The following DISP1 variants were observed in gnomAD, a reference collection of about 807,000 sequenced individuals.
The protein encoded by DISP1 is dispatched RND transporter family member 1.
A neutral mutation model predicts 37.3 loss-of-function variants in DISP1; 30 were observed. That is an observed-to-expected ratio of 0.80 (90% CI 0.60 to 1.09). The LOEUF (loss-of-function observed/expected upper bound fraction) is 1.09. DISP1 is among the 50% of genes least tolerant of loss of function. The pLI is 0.00. For missense variants in DISP1, 1,598 were observed against 1,879.5 expected (o/e 0.85, Z 2.77); for synonymous variants, 634 against 690.2 (o/e 0.92, Z 1.28).
Position 222,991,517 on chromosome 1 carries a change from T to C in DISP1, c.664-3T>C. ...CTAATGAGCACCTGTAATTTTGCCT[T>C]AGGGTTTTGAACCAAGAGGAACAGC... On this transcript the variant is annotated splice_region_variant and splice_polypyrimidine_tract_variant and intron_variant, in intron 5 of 8. Coordinates refer to ENST00000675850, the MANE Select transcript of DISP1 (RefSeq NM_001377229.1). 6.2e-7 allele frequency: 1 copy of C among 1,613,782 alleles called. No homozygotes were observed. The highest frequency in any genetic ancestry group is 8.5e-7 in the Non-Finnish European group (1 of 1,179,762).
chr1:222,848,845 A>G (rs917009735), intron 1 of DISP1, among the ~76,000 whole-genome samples: 4 of 152,184 alleles, frequency 2.6e-5, no homozygotes, highest in Admixed American at 2.6e-4. Context: ...AGCTCTACAC[A>G]TTCACTGAGG....
intron 1 of DISP1, among the ~76,000 whole-genome samples, chr1:222,827,010 T>G (rs939544729): frequency 6.6e-6 from 1 of 152,248 alleles, no homozygotes; most frequent in Non-Finnish European, 1.5e-5. Flanking sequence ...ATTTCTATTC[T>G]AATAAAACTT....
At chr1:222,936,899 T>A in intron 2 of DISP1, among the ~76,000 whole-genome samples, 1 of 75,296 alleles carries the variant, frequency 1.3e-5, no homozygotes, top group African/African-American at 5.4e-5. Flanking sequence ...ATATATTATT[T>A]ATATATAATA....
chr1:222,864,843 C>G (rs977020009), intron 1 of DISP1, among the ~76,000 whole-genome samples: 8 of 152,128 alleles, frequency 5.3e-5, no homozygotes, highest in Admixed American at 1.3e-4. Context: ...TTGAAGGTAA[C>G]TTATGAGCAA....
intron 8 of DISP1, among the ~76,000 whole-genome samples, chr1:222,996,131 A>G (rs1219233053): frequency 1.3e-5 from 2 of 152,234 alleles, no homozygotes; most frequent in African/African-American, 4.8e-5. Context: ...GACCAAAGCC[A>G]CAAACGATCT....
chr1:222,884,110 T>A (rs183661199), intron 1 of DISP1, among the ~76,000 whole-genome samples: 22 of 152,294 alleles, frequency 1.4e-4, no homozygotes, highest in African/African-American at 5.3e-4. Flanking sequence ...TCCTGCCAGA[T>A]AACTGAATTT....
At chr1:222,984,440 A>T in intron 4 of DISP1, among the ~76,000 whole-genome samples, 1 of 135,714 alleles carries the variant, frequency 7.4e-6, no homozygotes, top group African/African-American at 2.9e-5. Context: ...ATATATAGAG[A>T]GAGAGAGAGA....
Position 222,831,241 on chromosome 1 carries a change from A to T in DISP1, c.-159+16163A>T, listed in dbSNP as rs148102611. 4.8e-3 allele frequency among the ~76,000 whole-genome samples: 734 copies of T among 152,336 alleles called. 25 individuals carry two copies. The highest frequency in any genetic ancestry group is 0.038 in the Admixed American group (582 of 15,296). On this transcript the variant is annotated intron_variant, in intron 1 of 8. Transcript: ENST00000675850. ...TTTCAGCACCATTATCTGTTAAGTT[A>T]CTACCCCATTTTAAGTATTGCATAG...
chr1:222,882,507 G>T lies in DISP1; in HGVS notation c.-158-45923G>T, dbSNP rs534375770. 3.3e-5 allele frequency among the ~76,000 whole-genome samples: 5 copies of T among 152,228 alleles called. No homozygotes were observed. In the South Asian group the frequency reaches 1.0e-3, roughly 32 times the overall value. ...GTGGGTTCTTCTCTTCTCTGCGTTA[G>T]ATTTAAAAGTATTTTTGTCTAGAAA... On this transcript the variant is annotated intron_variant, in intron 1 of 8. Transcript: ENST00000675850.
intron 1 of DISP1, among the ~76,000 whole-genome samples, chr1:222,854,923 G>A (rs1201808772): frequency 2.0e-5 from 3 of 151,832 alleles, no homozygotes; most frequent in African/African-American, 4.8e-5. Context: ...TGGAAAAGTG[G>A]GATAGCTCAT....
chr1:222,869,380 C>T (rs74145587), intron 1 of DISP1, among the ~76,000 whole-genome samples: 1 of 151,984 alleles, frequency 6.6e-6, no homozygotes. Flanking sequence ...ATACCAGTAA[C>T]AATTTGAGTG....
chr1:222,834,642 A>G (rs1215953457), intron 1 of DISP1, among the ~76,000 whole-genome samples: 1 of 152,216 alleles, frequency 6.6e-6, no homozygotes, highest in Non-Finnish European at 1.5e-5. Context: ...ATTTTTATGT[A>G]TGTAAATCAG....
chr1:222,919,894 T>A (rs1004746512), intron 1 of DISP1, among the ~76,000 whole-genome samples: 1 of 152,200 alleles, frequency 6.6e-6, no homozygotes, highest in South Asian at 2.1e-4. Flanking sequence ...TCATTTTCCT[T>A]TTTCCATACA....
chr1:222,922,729 T>C (rs1274378989), intron 1 of DISP1, among the ~76,000 whole-genome samples: 1 of 152,072 alleles, frequency 6.6e-6, no homozygotes, highest in Admixed American at 6.5e-5. Flanking sequence ...ATAATAGAAA[T>C]TGGAGTGTGA....
intron 2 of DISP1, among the ~76,000 whole-genome samples, chr1:222,939,125 A>T (rs1228475597): frequency 6.6e-6 from 1 of 152,178 alleles, no homozygotes; most frequent in East Asian, 1.9e-4. Context: ...CTTCATTACA[A>T]GAAGTCTCCC....
chr1:222,977,583 G>A (rs1249174063), intron 3 of DISP1, among the ~76,000 whole-genome samples: 11 of 141,750 alleles, frequency 7.8e-5, no homozygotes, highest in African/African-American at 1.1e-4. Context: ...TGTGCACAAC[G>A]TGCAGGTTAG....
At chr1:222,940,851 G>A (rs1014039812) in intron 2 of DISP1, among the ~76,000 whole-genome samples, 7 of 152,146 alleles carry the variant, frequency 4.6e-5, no homozygotes, top group Non-Finnish European at 7.3e-5. Context: ...TGGAGTGCTC[G>A]TACAATGAGA....
chr1:222,832,576 G>T (rs1328400944), intron 1 of DISP1, among the ~76,000 whole-genome samples: 1 of 152,122 alleles, frequency 6.6e-6, no homozygotes, highest in Non-Finnish European at 1.5e-5. Context: ...GGATATTGTT[G>T]AATTTAATTT....
chr1:222,820,232 G>T (rs1003162791), intron 1 of DISP1, among the ~76,000 whole-genome samples: 1 of 152,146 alleles, frequency 6.6e-6, no homozygotes, highest in Non-Finnish European at 1.5e-5. Context: ...GGTGGTATTC[G>T]GGCTATTCAG....
Sources: allele counts gnomAD v4.1 joint callset (sites outside exome capture counted in the v4.1 genomes callset), GRCh38; gene constraint gnomAD v4.1.1; transcripts MANE v1.5; gene names NCBI Gene and HGNC (gene_info 2026-07-23, HGNC 2026-07-21).